RNPC3: variants seen among roughly 807,000 people sequenced by gnomAD.
RNPC3 encodes the protein RNA-binding region-containing protein 3.
A neutral mutation model predicts 67.5 loss-of-function variants in RNPC3; 48 were observed. The observed-to-expected ratio is 0.71, with a 90% CI of 0.56 to 0.90. RNPC3 has a LOEUF of 0.90. Among genes scored for constraint, RNPC3 ranks in the 40% least tolerant of loss-of-function variants. The pLI, the probability that RNPC3 is intolerant of heterozygous loss-of-function variation, is 0.00. For missense variants in RNPC3, 637 were observed against 626.1 expected (o/e 1.02, Z -0.19); for synonymous variants, 239 against 210.3 (o/e 1.14, Z -1.18).
chr1:103,526,158 C>T lies in RNPC3; in HGVS notation c.88C>T (p.Leu30=), dbSNP rs1650700119. The part of the protein sequence containing the change: ...LSPPRGDRTL[L]VRHLPAELTA... ...CCCGCCTCGGGGCGACCGAACCCTT[C>T]TGGTCAGGCACCTGCCGGCTGAGCT... Residue 30 remains leucine, a synonymous_variant, in exon 1 of 15, where the codon CTG becomes TTG. Coordinates refer to ENST00000423855, the MANE Select transcript of RNPC3 (RefSeq NM_017619.4). 1 of 1,551,440 alleles carries T rather than the reference C, an allele frequency of 6.4e-7. No homozygotes were observed. The highest frequency in any genetic ancestry group is 1.4e-5 in the African/African-American group (1 of 73,046).
At chr1:103,531,538 T>G (rs912156044) in intron 2 of RNPC3, among the ~76,000 whole-genome samples, 14 of 152,220 alleles carry the variant, frequency 9.2e-5, no homozygotes, top group African/African-American at 2.9e-4. Flanking sequence ...TTATGACCAT[T>G]ATTGCAGGAG....
chr1:103,550,361 C>T (rs529703641), intron 12 of RNPC3, among the ~76,000 whole-genome samples: 57 of 150,618 alleles, frequency 3.8e-4, no homozygotes, highest in African/African-American at 1.3e-3. Flanking sequence ...GCAGCCAGTG[C>T]GGTGGTCCAC....
At position 103,537,450 on chromosome 1, in the gene RNPC3, G is replaced by C; in HGVS notation, c.733G>C (p.Glu245Gln). ...TGAGGAATTATCTAGTGAAGAATCA[G>C]AATATGAAAGCACTGATGATGAGGA... ...EDEELSSEES[E>Q]YESTDDEDRQ... Residue 245 changes from glutamate (E) to glutamine (Q), a missense_variant, in exon 7 of 15, where the codon GAA becomes CAA. By Grantham distance (29) the Glu-to-Gln change is conservative. Coordinates refer to ENST00000423855, the MANE Select transcript of RNPC3 (RefSeq NM_017619.4). 2 of 1,536,786 alleles carry C rather than the reference G, an allele frequency of 1.3e-6. No homozygotes were observed. Among genetic ancestry groups the C allele is most frequent in the Non-Finnish European group, 1.7e-6 (2 of 1,146,708 alleles).
chr1:103,544,186 G>T (rs960311212), intron 9 of RNPC3, among the ~76,000 whole-genome samples: 18 of 151,744 alleles, frequency 1.2e-4, no homozygotes, highest in African/African-American at 4.3e-4. Flanking sequence ...TTGTGTGTGT[G>T]TATGTATGTA....
intron 1 of RNPC3, among the ~76,000 whole-genome samples, chr1:103,527,240 A>T (rs1287023223): frequency 6.6e-6 from 1 of 152,190 alleles, no homozygotes; most frequent in African/African-American, 2.4e-5. Flanking sequence ...GACTTCTCCC[A>T]TTGAACATTA....
rs1651378642 is a variant in RNPC3 at position 103,551,141 on chromosome 1, C to T, written c.1494+68C>T. ...GAAGGATATAACTGAAATTAATTTTCATGTTACCCTTTAGAAATTTCCACA... is the reference window on the plus strand; with the variant it reads ...GAAGGATATAACTGAAATTAATTTTTATGTTACCCTTTAGAAATTTCCACA... On this transcript the variant is annotated intron_variant, in intron 13 of 14. Transcript: ENST00000423855. The T allele has an allele frequency of 6.7e-6, 9 of 1,345,246 alleles. No homozygotes were observed. In the South Asian group the frequency reaches 1.3e-4, roughly 19 times the overall value. 83.3% of individuals were successfully genotyped at this position (1,345,246 alleles called of 1,614,324 possible).
chr1:103,531,143 A>G (rs1304797964), intron 2 of RNPC3, among the ~76,000 whole-genome samples: 3 of 152,144 alleles, frequency 2.0e-5, no homozygotes, highest in Admixed American at 1.3e-4. Flanking sequence ...ATGGTCTCCC[A>G]TTCCATCTAG....
intron 5 of RNPC3, among the ~76,000 whole-genome samples, chr1:103,535,717 A>G (rs981170242): frequency 6.6e-6 from 1 of 152,082 alleles, no homozygotes; most frequent in African/African-American, 2.4e-5. Context: ...TTAAAAGAAA[A>G]GTTATAGTAG....
rs532738647 is a variant in RNPC3, at chr1:103,525,968, C to T, written c.-103C>T. 6 of 926,306 alleles carry T rather than the reference C, an allele frequency of 6.5e-6. No homozygotes were observed. In the South Asian group the frequency reaches 8.9e-5, roughly 14 times the overall value. The allele number at this position is 926,306 out of a possible 1,614,324, so 57.4% of individuals were successfully genotyped here. On this transcript the variant is annotated 5_prime_UTR_variant, in exon 1 of 15. Transcript: ENST00000423855. ...CTCGGTATTTCCTGGTTTCCAGAATCCTTAGCGCGAGGCGGAAAAAATATT... is the reference window on the plus strand; with the variant it reads ...CTCGGTATTTCCTGGTTTCCAGAATTCTTAGCGCGAGGCGGAAAAAATATT...
intron 3 of RNPC3, 30 bp downstream of exon 3, chr1:103,533,887 G>C: frequency 8.9e-7 from 1 of 1,121,896 alleles, no homozygotes; most frequent in Non-Finnish European, 1.3e-6. Context: ...ATACATTTTT[G>C]TTACATTTTT....
In RNPC3 at chr1:103,537,435, T is replaced by A. The variant is rs1022046361; in HGVS notation, c.718T>A (p.Ser240Thr). Residue 240 changes from serine (S) to threonine (T), a missense_variant, in exon 7 of 15, where the codon TCT becomes ACT. Around this residue, in one of 3 missense-constraint regions of RNPC3, gnomAD observed 536 missense variants for 500.3 expected, o/e 1.07. Coordinates refer to ENST00000423855, the MANE Select transcript of RNPC3 (RefSeq NM_017619.4). ...PPLPDEDEEL[S>T]SEESEYESTD... ...TTTGCCAGACGAGGATGAGGAATTA[T>A]CTAGTGAAGAATCAGAATATGAAAG... is the stretch of plus-strand genomic sequence containing the variant. 6.5e-7 allele frequency: 1 copy of A among 1,536,832 alleles called. No individual in the cohort carries two copies. The highest frequency in any genetic ancestry group is 8.7e-7 in the Non-Finnish European group (1 of 1,146,674).
At chr1:103,534,058 T>TA (rs1441697794) in intron 3 of RNPC3, among the ~76,000 whole-genome samples, 1 of 152,010 alleles carries the variant, frequency 6.6e-6, no homozygotes, top group Non-Finnish European at 1.5e-5. Flanking sequence ...GATTTAATAT[T>TA]ATGGGTTAAT....
chr1:103,545,429 G>A (rs1308799696), intron 10 of RNPC3: 1 of 200,972 alleles, frequency 5.0e-6, no homozygotes, highest in East Asian at 1.6e-4. Context: ...CTGATAGACT[G>A]TCACAAATAC....
chr1:103,541,458 T>G lies in RNPC3; in HGVS notation c.876T>G (p.Pro292=). The G allele has an allele frequency of 6.7e-7, 1 of 1,494,778 alleles. No homozygotes were observed. The highest frequency in any genetic ancestry group is 8.8e-7 in the Non-Finnish European group (1 of 1,131,844). 92.6% of individuals were successfully genotyped at this position (1,494,778 alleles called of 1,614,324 possible). A position where few individuals can be genotyped will look rare whatever the true frequency, so the allele number is the denominator to read the frequency against. ...KRKIKDMLNT[P]LCPSHSSLHP... is the part of the protein sequence containing the mutation. ...AAATAAAGGATATGTTGAATACACC[T>G]TTGTGTCCTTCACACAGGTAATTTT... Residue 292 remains proline (P), a synonymous_variant, in exon 8 of 15, where the codon CCT becomes CCG. Coordinates refer to ENST00000423855, the MANE Select transcript of RNPC3 (RefSeq NM_017619.4).
intron 14 of RNPC3, 149 bp from the exon 15 acceptor site, chr1:103,554,885 T>A (rs769683352): frequency 3.9e-5 from 6 of 152,382 alleles, no homozygotes; most frequent in Non-Finnish European, 7.4e-5. Context: ...ATAAATCAGT[T>A]TCTTTATAAG....
At chr1:103,539,137 T>C (rs972795468) in intron 7 of RNPC3, among the ~76,000 whole-genome samples, 1 of 152,206 alleles carries the variant, frequency 6.6e-6, no homozygotes, top group African/African-American at 2.4e-5. Flanking sequence ...AGCTGTAGTT[T>C]GTCAACCCCT....
rs374184978 is a variant in RNPC3 at position 103,550,020 on chromosome 1, C to G, written c.1362-921C>G. On this transcript the variant is annotated intron_variant, in intron 12 of 14. Transcript: ENST00000423855. ...CTCTACTAAAAATACAAAAATTAGC[C>G]AAGCATGGCGGTAGACGGCTGTAAT... is the stretch of plus-strand genomic sequence containing the variant. Among the ~76,000 whole-genome samples the G allele has an allele frequency of 4.0e-5, 6 of 151,704 alleles. No individual in the cohort carries two copies. The South Asian group carries it at 6.3e-4, about 16-fold the overall frequency.
At chr1:103,553,647 T>C (rs1445448976) in intron 14 of RNPC3, 1 of 152,222 alleles carries the variant, frequency 6.6e-6, no homozygotes, top group South Asian at 2.1e-4. Context: ...CCTAATTCAA[T>C]AACATATGCT....
intron 12 of RNPC3, among the ~76,000 whole-genome samples, chr1:103,548,073 G>T (rs922298662): frequency 6.6e-6 from 1 of 152,140 alleles, no homozygotes; most frequent in African/African-American, 2.4e-5. Context: ...TCCCTAGGCT[G>T]CACACAGCAC....
Sources: gnomAD v4.1 joint callset for allele counts (sites outside exome capture counted in the v4.1 genomes callset) on GRCh38, gnomAD v4.1.1 for gene constraint, gnomAD v4.1.1 regional missense constraint, MANE v1.5 for transcripts, NCBI Gene and HGNC (gene_info 2026-07-23, HGNC 2026-07-21) for gene names.